Variants in CDKAL1 observed in about 807,000 individuals in gnomAD.
The protein encoded by CDKAL1 is CDKAL1 threonylcarbamoyladenosine tRNA methylthiotransferase, also known as threonylcarbamoyladenosine tRNA methylthiotransferase.
CDKAL1 carries 32 observed loss-of-function variants against 68.2 expected under a neutral mutation model. The observed-to-expected ratio is 0.47, with a 90% CI of 0.35 to 0.63. CDKAL1 has a LOEUF of 0.63. Among genes scored for constraint, CDKAL1 ranks in the 30% least tolerant of loss-of-function variants. The probability of loss-of-function intolerance (pLI) is 0.00; values close to 1 mark genes in which losing one functional copy is unlikely to be tolerated. For synonymous variants in CDKAL1, 234 were observed against 244.3 expected, an observed-to-expected ratio of 0.96 and a Z score of 0.39; for missense variants, 606 against 696.7, an observed-to-expected ratio of 0.87 and a Z score of 1.47.
intron 5 of CDKAL1, among the ~76,000 whole-genome samples, chr6:20,672,236 CTCTT>C (rs66598881): frequency 0.51 from 69,247 of 134,494 alleles, 18,959 homozygotes; most frequent in Non-Finnish European, 0.59. Context: ...TCTTTTCTTT[CTCTT>C]TCTTTCTTTC....
At chr6:20,874,385 C>T (rs556495395) in intron 9 of CDKAL1, among the ~76,000 whole-genome samples, 1 of 152,098 alleles carries the variant, frequency 6.6e-6, no homozygotes, top group East Asian at 1.9e-4. Flanking sequence ...CCCATTGCAA[C>T]TTCCGCCTCC....
chr6:21,133,947 T>C (rs1047214458), intron 13 of CDKAL1, among the ~76,000 whole-genome samples: 5 of 152,348 alleles, frequency 3.3e-5, no homozygotes, highest in Non-Finnish European at 7.3e-5. Flanking sequence ...TTACTTTATA[T>C]ATATGTATCT....
At chr6:20,703,287 A>G (rs1023946558) in intron 5 of CDKAL1, among the ~76,000 whole-genome samples, 1 of 152,214 alleles carries the variant, frequency 6.6e-6, no homozygotes, top group South Asian at 2.1e-4. Context: ...TGCTCTAGTT[A>G]ATTAAGGTAC....
At chr6:21,071,513 A>G (rs1166636877) in intron 12 of CDKAL1, among the ~76,000 whole-genome samples, 1 of 152,208 alleles carries the variant, frequency 6.6e-6, no homozygotes, top group African/African-American at 2.4e-5. Flanking sequence ...GACTAATACA[A>G]ACATATTACT....
intron 4 of CDKAL1, chr6:20,559,031 A>T (rs78666064): frequency 2.0e-5 from 3 of 152,732 alleles, no homozygotes; most frequent in Admixed American, 1.3e-4. Flanking sequence ...TTTTCTTTTT[A>T]AAATGGAGCA....
chr6:21,202,535 C>G lies in CDKAL1; in HGVS notation c.1548+1261C>G, dbSNP rs1778734116. The stretch of plus-strand genomic sequence containing the variant: ...TTTGAAAAATTTTTTAAGAAGTCAG[C>G]TTATTTTTTGTTTTGTTTTGTTTTT... On this transcript the variant is annotated intron_variant, in intron 15 of 15. Coordinates refer to ENST00000274695, the MANE Select transcript of CDKAL1 (RefSeq NM_017774.3). 2.0e-5 allele frequency among the ~76,000 whole-genome samples: 3 copies of G among 152,172 alleles called. No individual in the cohort carries two copies. In the South Asian group the frequency reaches 6.2e-4, roughly 32 times the overall value.
chr6:20,871,525 T>TTA (rs1409433842), intron 9 of CDKAL1, among the ~76,000 whole-genome samples: 2 of 152,280 alleles, frequency 1.3e-5, no homozygotes, highest in East Asian at 3.9e-4. Flanking sequence ...TCCCACTCTC[T>TTA]TAGTCTGTTC....
chr6:20,737,116 G>T (rs899317137), intron 5 of CDKAL1, among the ~76,000 whole-genome samples: 8 of 151,986 alleles, frequency 5.3e-5, no homozygotes, highest in African/African-American at 1.9e-4. Flanking sequence ...CCTTGTCTTT[G>T]TTCATGCTCT....
chr6:20,631,846 C>T (rs1029466582), intron 4 of CDKAL1, among the ~76,000 whole-genome samples: 1 of 152,188 alleles, frequency 6.6e-6, no homozygotes, highest in Non-Finnish European at 1.5e-5. Flanking sequence ...TAGGCCCAAA[C>T]TCGTGCCTGG....
intron 7 of CDKAL1, among the ~76,000 whole-genome samples, chr6:20,780,660 A>ATTTCTT (rs1561771495): frequency 1.6e-4 from 16 of 99,314 alleles, no homozygotes; most frequent in African/African-American, 5.5e-4. Flanking sequence ...GTTTTTTTTC[A>ATTTCTT]TTTCTTTTTC....
intron 9 of CDKAL1, among the ~76,000 whole-genome samples, chr6:20,870,822 A>G (rs1482131552): frequency 6.6e-6 from 1 of 152,214 alleles, no homozygotes; most frequent in Non-Finnish European, 1.5e-5. Context: ...CCTTGCATAA[A>G]TTGTGAGAAA....
chr6:20,653,050 C>T (rs141536275), intron 5 of CDKAL1, among the ~76,000 whole-genome samples: 3 of 152,248 alleles, frequency 2.0e-5, no homozygotes, highest in Non-Finnish European at 2.9e-5. Context: ...CTCAGCATTA[C>T]GCTTTGAGAT....
chr6:20,999,840 G>A (rs1767338304), intron 10 of CDKAL1, among the ~76,000 whole-genome samples: 1 of 152,102 alleles, frequency 6.6e-6, no homozygotes, highest in African/African-American at 2.4e-5. Context: ...GATCTCAAGT[G>A]TTTGCCTTAA....
chr6:20,756,493 T>C (rs1774176489), intron 6 of CDKAL1, among the ~76,000 whole-genome samples: 1 of 152,194 alleles, frequency 6.6e-6, no homozygotes, highest in African/African-American at 2.4e-5. Flanking sequence ...TTGAAATCTT[T>C]GTTCTGCTGG....
chr6:20,953,992 T>G (rs916852207), intron 9 of CDKAL1, among the ~76,000 whole-genome samples: 21 of 152,190 alleles, frequency 1.4e-4, no homozygotes, highest in Non-Finnish European at 2.6e-4. Flanking sequence ...GATTCTTTAA[T>G]TTGGGAAAAC....
intron 4 of CDKAL1, among the ~76,000 whole-genome samples, chr6:20,601,956 A>G (rs1766117507): frequency 6.6e-6 from 1 of 152,140 alleles, no homozygotes; most frequent in South Asian, 2.1e-4. Flanking sequence ...AGGTAGGAAG[A>G]CCTAATGAAA....
intron 8 of CDKAL1, among the ~76,000 whole-genome samples, chr6:20,782,855 T>C (rs1400836189): frequency 1.3e-5 from 2 of 152,226 alleles, no homozygotes; most frequent in African/African-American, 4.8e-5. Flanking sequence ...ATCATCATGG[T>C]ACAGATTGCC....
intron 4 of CDKAL1, among the ~76,000 whole-genome samples, chr6:20,561,306 G>C (rs535714692): frequency 1.8e-4 from 27 of 152,104 alleles, no homozygotes; most frequent in Admixed American, 7.2e-4. Context: ...GCTGGGCTTG[G>C]TGGTGCGTGC....
intron 11 of CDKAL1, among the ~76,000 whole-genome samples, chr6:21,057,498 G>GT (rs563192693): frequency 7.3e-4 from 109 of 149,820 alleles, no homozygotes; most frequent in African/African-American, 2.6e-3. Context: ...TTTTTTAAGG[G>GT]TTTTTTGTGT....
Sources: allele counts gnomAD v4.1 joint callset (sites outside exome capture counted in the v4.1 genomes callset), GRCh38; gene constraint gnomAD v4.1.1; transcripts MANE v1.5; gene names NCBI Gene and HGNC (gene_info 2026-07-23, HGNC 2026-07-21).